SLC30A8: variants seen among roughly 807,000 people sequenced by gnomAD.
SLC30A8 encodes proton-coupled zinc antiporter SLC30A8.
A neutral mutation model predicts 36.9 loss-of-function variants in SLC30A8; 27 were observed. The observed-to-expected ratio is 0.73, with a 90% CI of 0.54 to 1.01. The LOEUF (loss-of-function observed/expected upper bound fraction) is 1.01, where lower values mean the gene tolerates loss of function less well. SLC30A8 is among the 50% of genes least tolerant of loss of function. The pLI is 0.00. For missense variants in SLC30A8, 439 were observed against 452.0 expected, an observed-to-expected ratio of 0.97 and a Z score of 0.26; for synonymous variants, 164 against 172.4, an observed-to-expected ratio of 0.95 and a Z score of 0.38.
At chr8:117,088,981 A>C (rs745435112) in intron 2 of SLC30A8, among the ~76,000 whole-genome samples, 8 of 152,342 alleles carry the variant, frequency 5.3e-5, no homozygotes, top group Non-Finnish European at 8.8e-5. Context: ...AATCCACTTG[A>C]ACATGCATAC....
At chr8:117,167,488 T>TAG (rs1823118239) in intron 6 of SLC30A8, among the ~76,000 whole-genome samples, 1 of 147,970 alleles carries the variant, frequency 6.8e-6, no homozygotes, top group Non-Finnish European at 1.5e-5. Flanking sequence ...TGCATATATA[T>TAG]ATATACATAC....
chr8:117,077,327 T>A lies in SLC30A8; in HGVS notation c.-226+38069T>A, dbSNP rs190114560. ...TTTTTGCACTTCAAGCTTCTGATTC[T>A]TTTCATCATTCTAAAAAGAAGAAAA... On this transcript the variant is annotated intron_variant, in intron 2 of 10. Coordinates refer to the SLC30A8 transcript ENST00000427715. Among the ~76,000 whole-genome samples, 112 of 152,304 alleles carry A rather than the reference T, an allele frequency of 7.4e-4. 1 individual carries two copies. Among genetic ancestry groups the A allele is most frequent in the African/African-American group, 2.4e-3 (99 of 41,566 alleles).
chr8:116,978,730 C>T (rs1292447738), intron 1 of SLC30A8, among the ~76,000 whole-genome samples: 2 of 152,136 alleles, frequency 1.3e-5, no homozygotes, highest in Non-Finnish European at 2.9e-5. Context: ...TGGAGATATT[C>T]TGCATAGATA....
At chr8:117,068,864 A>G (rs1241844623) in intron 2 of SLC30A8, among the ~76,000 whole-genome samples, 1 of 152,202 alleles carries the variant, frequency 6.6e-6, no homozygotes, top group Non-Finnish European at 1.5e-5. Flanking sequence ...GGCGCGAGCC[A>G]CTACATGTGG....
At chr8:117,101,161 G>T (rs766713604) in intron 2 of SLC30A8, among the ~76,000 whole-genome samples, 1 of 152,124 alleles carries the variant, frequency 6.6e-6, no homozygotes, top group African/African-American at 2.4e-5. Flanking sequence ...GAACCCATAT[G>T]GCCCCCAGGA....
rs768316866 is a variant in SLC30A8 at position 117,161,781 on chromosome 8, A to G, written c.616A>G (p.Lys206Glu). 1 of 1,613,860 alleles carries G rather than the reference A, an allele frequency of 6.2e-7. No individual in the cohort carries two copies. Among genetic ancestry groups the G allele is most frequent in the Non-Finnish European group, 8.5e-7 (1 of 1,179,856 alleles). ...CCAGAGATGCCTTGGCCACAATCACAAGGAAGTACAAGCCAATGCCAGCGT... is the reference window on the plus strand; with the variant it reads ...CCAGAGATGCCTTGGCCACAATCACGAGGAAGTACAAGCCAATGCCAGCGT... ...LHQRCLGHNH[K>E]EVQANASVRA... Residue 206 changes from lysine (K) to glutamate (E), a missense_variant, in exon 5 of 8, where the codon AAG becomes GAG. Transcript: ENST00000456015.
intron 2 of SLC30A8, among the ~76,000 whole-genome samples, chr8:117,068,707 G>A (rs1346461409): frequency 2.6e-5 from 4 of 152,126 alleles, no homozygotes; most frequent in Non-Finnish European, 1.5e-5. Context: ...TGCCCAGGTA[G>A]TTGGGATTAC....
rs768811723 is a variant in SLC30A8 at position 117,135,153 on chromosome 8, A to AGGTT, written c.-175_-174insGGTT. 2.3e-6 allele frequency: 1 copy of AGGTT among 436,914 alleles called. No homozygotes were observed. The highest frequency in any genetic ancestry group is 4.1e-6 in the Non-Finnish European group (1 of 244,204). 27.1% of individuals were successfully genotyped at this position (436,914 alleles called of 1,614,324 possible). Reference sequence around the variant, plus strand: ...CAGGTAATATTGCAAGGAGGCTGTAATTTTAGCAGACCTACCAACAACACT... The same window carrying AGGTT: ...CAGGTAATATTGCAAGGAGGCTGTAAGGTTTTTTAGCAGACCTACCAACAACACT... On this transcript the variant is annotated 5_prime_UTR_variant, in exon 1 of 8. Coordinates refer to ENST00000456015, the MANE Select transcript of SLC30A8 (RefSeq NM_173851.3).
Position 117,175,194 on chromosome 8 carries a change from C to T in SLC30A8, c.*2513C>T, listed in dbSNP as rs1359727163. 6.6e-6 allele frequency: 1 copy of T among 152,014 alleles called. No homozygotes were observed. Among genetic ancestry groups the T allele is most frequent in the Non-Finnish European group, 1.5e-5 (1 of 68,018 alleles). The allele number at this position is 152,014 out of a possible 1,614,324, so 9.4% of individuals were successfully genotyped here. ...GTTTGTTACATAGGTATACATGTGC[C>T]ATGGTGGTTTGCTGCACTCATCAAC... On this transcript the variant is annotated 3_prime_UTR_variant, in exon 8 of 8. Transcript: ENST00000456015.
At chr8:117,018,320 T>C (rs1462404949) in intron 1 of SLC30A8, 3 of 152,196 alleles carry the variant, frequency 2.0e-5, no homozygotes, top group Non-Finnish European at 4.4e-5. Flanking sequence ...GTTTTAATAA[T>C]ATATTTTAAC....
intron 2 of SLC30A8, among the ~76,000 whole-genome samples, chr8:117,046,098 A>G (rs1241186961): frequency 6.6e-6 from 1 of 152,124 alleles, no homozygotes; most frequent in East Asian, 1.9e-4. Context: ...TCGAGTCATG[A>G]AGGGCAGGAT....
At chr8:117,075,321 G>A (rs16889383) in intron 2 of SLC30A8, among the ~76,000 whole-genome samples, 4,459 of 152,176 alleles carry the variant, frequency 0.029, 149 homozygotes, top group African/African-American at 0.085. Flanking sequence ...AGAATCTCAA[G>A]TTTAAAACAA....
intron 2 of SLC30A8, among the ~76,000 whole-genome samples, chr8:117,078,340 C>T (rs1369245395): frequency 1.3e-5 from 2 of 152,198 alleles, no homozygotes; most frequent in Non-Finnish European, 2.9e-5. Context: ...CTCTTCCAAG[C>T]AGGCCACATG....
intron 2 of SLC30A8, among the ~76,000 whole-genome samples, chr8:117,126,474 A>G (rs1820908103): frequency 6.6e-6 from 1 of 151,972 alleles, no homozygotes; most frequent in Non-Finnish European, 1.5e-5. Context: ...TTCTGACTTC[A>G]AAGGCTTTAC....
intron 1 of SLC30A8, among the ~76,000 whole-genome samples, chr8:116,984,707 G>A (rs776286042): frequency 1.3e-5 from 2 of 151,676 alleles, no homozygotes; most frequent in East Asian, 1.9e-4. Flanking sequence ...TTTAACTGCC[G>A]AGTTTTGAGA....
chr8:116,954,389 G>A (rs1003652829), intron 1 of SLC30A8, among the ~76,000 whole-genome samples: 1 of 152,086 alleles, frequency 6.6e-6, no homozygotes, highest in African/African-American at 2.4e-5. Context: ...AAGAGGAATT[G>A]GATAGAATCA....
chr8:117,104,622 G>A (rs13262027), intron 2 of SLC30A8, among the ~76,000 whole-genome samples: 15,756 of 152,100 alleles, frequency 0.1, 985 homozygotes, highest in East Asian at 0.14. Flanking sequence ...TTACCAAAAG[G>A]GGGTCCTGAT....
At chr8:117,134,707 AC>A (rs1821279358), upstream of SLC30A8, 1 of 152,046 alleles carries the variant, frequency 6.6e-6, no homozygotes, top group African/African-American at 2.4e-5. Context: ...AAGCTGCTGT[AC>A]CAAGAACTGT....
intron 1 of SLC30A8, among the ~76,000 whole-genome samples, chr8:117,030,430 T>C (rs1035091310): frequency 6.6e-5 from 10 of 152,166 alleles, no homozygotes; most frequent in African/African-American, 2.4e-4. Flanking sequence ...CTCCCATCTT[T>C]CTCTTTGTGT....
Sources: allele counts gnomAD v4.1 joint callset (sites outside exome capture counted in the v4.1 genomes callset), GRCh38; gene constraint gnomAD v4.1.1; transcripts MANE v1.5; gene names NCBI Gene and HGNC (gene_info 2026-07-23, HGNC 2026-07-21).